Variants in MARCHF1 observed in about 807,000 individuals in gnomAD.
The protein encoded by MARCHF1 is E3 ubiquitin-protein ligase MARCHF1.
In MARCHF1, 40 loss-of-function variants were observed where a neutral mutation model predicts 54.2. The ratio of observed to expected loss-of-function variants is 0.74; its 90% confidence interval spans 0.57 to 0.96. The LOEUF is 0.96. Ranked by LOEUF, MARCHF1 falls within the 40% of genes least tolerant of loss-of-function variation. The probability of loss-of-function intolerance (pLI) is 0.00; values close to 1 mark genes in which losing one functional copy is unlikely to be tolerated. For missense variants in MARCHF1, 586 were observed against 656.5 expected (o/e 0.89, Z 1.17); for synonymous variants, 236 against 236.3 (o/e 1.00, Z 0.01).
intron 4 of MARCHF1, among the ~76,000 whole-genome samples, chr4:163,827,001 C>A (rs1748870378): frequency 6.6e-6 from 1 of 151,768 alleles, no homozygotes; most frequent in Non-Finnish European, 1.5e-5. Flanking sequence ...TATCTCTGCG[C>A]AATTAACGAC....
chr4:163,782,116 G>A (rs1393230770), intron 4 of MARCHF1, among the ~76,000 whole-genome samples: 3 of 149,108 alleles, frequency 2.0e-5, no homozygotes, highest in Admixed American at 6.7e-5. Flanking sequence ...TAACTGCCCA[G>A]AAAAAAAAAA....
At chr4:163,750,876 T>C (rs992875921) in intron 4 of MARCHF1, among the ~76,000 whole-genome samples, 4 of 152,120 alleles carry the variant, frequency 2.6e-5, no homozygotes, top group African/African-American at 9.7e-5. Flanking sequence ...GATTAAATTT[T>C]AAAAAATTTA....
rs995115908 is a variant in MARCHF1 at position 164,121,466 on chromosome 4, G to A, written c.-322-9804C>T. On this transcript the variant is annotated intron_variant, in intron 1 of 9. Transcript: ENST00000514618. ...CTTCTTCACAAGGCAGCAAGAGAGA[G>A]ATGTGCTGAGCAAAGGGGGAAAAAG... 5.3e-5 allele frequency among the ~76,000 whole-genome samples: 8 copies of A among 152,254 alleles called. No homozygotes were observed. The East Asian group carries it at 1.2e-3, about 22-fold the overall frequency.
chr4:164,214,995 A>G (rs1731887429), intron 1 of MARCHF1, among the ~76,000 whole-genome samples: 1 of 152,170 alleles, frequency 6.6e-6, no homozygotes, highest in African/African-American at 2.4e-5. Flanking sequence ...CTAGGGGTGA[A>G]TGTATACAGC....
At chr4:163,922,677 T>C (rs541656742) in intron 3 of MARCHF1, among the ~76,000 whole-genome samples, 41 of 152,348 alleles carry the variant, frequency 2.7e-4, no homozygotes, top group African/African-American at 6.7e-4. Context: ...TAATGTATTT[T>C]CATAGCTACA....
intron 8 of MARCHF1, among the ~76,000 whole-genome samples, chr4:163,555,439 GTTGA>G (rs1311955946): frequency 2.0e-5 from 3 of 152,062 alleles, no homozygotes; most frequent in Non-Finnish European, 2.9e-5. Context: ...CTAAATCTGA[GTTGA>G]TTAATATCAC....
chr4:163,813,045 T>C (rs1031060073), intron 4 of MARCHF1, among the ~76,000 whole-genome samples: 1 of 152,122 alleles, frequency 6.6e-6, no homozygotes, highest in East Asian at 1.9e-4. Flanking sequence ...TTTTAGAGCT[T>C]TGTGGATTTA....
chr4:163,688,553 A>G (rs1744342607), intron 5 of MARCHF1, among the ~76,000 whole-genome samples: 1 of 152,208 alleles, frequency 6.6e-6, no homozygotes, highest in Admixed American at 6.5e-5. Flanking sequence ...AAACTCAAAG[A>G]TACAACCTCC....
At chr4:163,953,357 A>AT (rs1445457046) in intron 3 of MARCHF1, among the ~76,000 whole-genome samples, 1 of 152,026 alleles carries the variant, frequency 6.6e-6, no homozygotes, top group Admixed American at 6.6e-5. Flanking sequence ...TTAAGGCTTG[A>AT]TTTTTTCTCA....
chr4:164,146,945 A>G (rs1729764808), intron 1 of MARCHF1, among the ~76,000 whole-genome samples: 1 of 150,666 alleles, frequency 6.6e-6, no homozygotes, highest in Non-Finnish European at 1.5e-5. Context: ...GCTAATATCC[A>G]GAATCTACAA....
intron 3 of MARCHF1, among the ~76,000 whole-genome samples, chr4:163,885,506 A>G (rs1750510300): frequency 6.6e-6 from 1 of 152,166 alleles, no homozygotes; most frequent in African/African-American, 2.4e-5. Context: ...CAGATCTTAA[A>G]AAGAGCCACA....
chr4:163,626,533 G>A (rs1215555247), intron 5 of MARCHF1, among the ~76,000 whole-genome samples: 2 of 152,142 alleles, frequency 1.3e-5, no homozygotes, highest in African/African-American at 2.4e-5. Flanking sequence ...CTTCAGATGG[G>A]AAATACTGCT....
intron 1 of MARCHF1, among the ~76,000 whole-genome samples, chr4:164,256,973 A>T (rs1228976131): frequency 6.6e-6 from 1 of 152,212 alleles, no homozygotes. Context: ...TGAACAAATT[A>T]TAGTAGTATA....
At chr4:164,026,414 G>A (rs541885422) in intron 2 of MARCHF1, among the ~76,000 whole-genome samples, 1 of 152,148 alleles carries the variant, frequency 6.6e-6, no homozygotes, top group Admixed American at 6.6e-5. Flanking sequence ...TTCCTGGGAT[G>A]CAAGACTTGT....
intron 2 of MARCHF1, among the ~76,000 whole-genome samples, chr4:164,101,078 A>G (rs943124372): frequency 6.6e-5 from 10 of 152,238 alleles, no homozygotes; most frequent in African/African-American, 1.7e-4. Flanking sequence ...TGTGCACCAC[A>G]AGATTATATC....
chr4:164,377,591 GCACA>G (rs56204290), intron 1 of MARCHF1, among the ~76,000 whole-genome samples: 20 of 149,414 alleles, frequency 1.3e-4, no homozygotes, highest in African/African-American at 4.2e-4. Flanking sequence ...TACTTTTTAT[GCACA>G]CACACACACA....
chr4:163,757,050 G>A (rs994918723), intron 4 of MARCHF1, among the ~76,000 whole-genome samples: 2 of 152,174 alleles, frequency 1.3e-5, no homozygotes, highest in Non-Finnish European at 1.5e-5. Context: ...CACTAAAAAT[G>A]AAAATGGAAA....
intron 5 of MARCHF1, among the ~76,000 whole-genome samples, chr4:163,682,926 C>T (rs1744152984): frequency 6.6e-6 from 1 of 152,016 alleles, no homozygotes; most frequent in Non-Finnish European, 1.5e-5. Flanking sequence ...TGAGAACGGG[C>T]TAATACATAG....
chr4:164,189,155 A>T (rs1268609726), intron 1 of MARCHF1: 2 of 592,546 alleles, frequency 3.4e-6, no homozygotes, highest in Non-Finnish European at 6.2e-6. Context: ...GACTATGACT[A>T]GCGTGTCATG....
Sources: gnomAD v4.1 joint callset for allele counts (sites outside exome capture counted in the v4.1 genomes callset) on GRCh38, gnomAD v4.1.1 for gene constraint, MANE v1.5 for transcripts, NCBI Gene and HGNC (gene_info 2026-07-23, HGNC 2026-07-21) for gene names.